Variants in B3GLCT observed in about 807,000 individuals in gnomAD.
The protein encoded by B3GLCT is beta 3-glucosyltransferase.
Under a neutral mutation model 63.4 loss-of-function variants are expected in B3GLCT, and 65 were observed. The ratio of observed to expected loss-of-function variants is 1.03; its 90% CI spans 0.84 to 1.26. The LOEUF (loss-of-function observed/expected upper bound fraction) is 1.26. Among genes scored for constraint, B3GLCT ranks in the 50% most tolerant of loss-of-function variants. B3GLCT has a pLI of 0.00. For synonymous variants in B3GLCT, 233 were observed against 219.2 expected, an observed-to-expected ratio of 1.06 and a Z score of -0.55; for missense variants, 577 against 604.8, an observed-to-expected ratio of 0.95 and a Z score of 0.48.
intron 1 of B3GLCT, among the ~76,000 whole-genome samples, chr13:31,207,222 G>A (rs1869005809): frequency 6.6e-6 from 1 of 152,054 alleles, no homozygotes; most frequent in Admixed American, 6.6e-5. Flanking sequence ...ATTTTTATAA[G>A]TTAAGCCTGA....
chr13:31,214,517 G>A (rs1211075768), intron 1 of B3GLCT, among the ~76,000 whole-genome samples: 1 of 152,174 alleles, frequency 6.6e-6, no homozygotes, highest in East Asian at 1.9e-4. Flanking sequence ...CCTTAGTAGG[G>A]TTCTGTTAGG....
chr13:31,266,656 T>G (rs980517994), intron 7 of B3GLCT, among the ~76,000 whole-genome samples: 1 of 152,212 alleles, frequency 6.6e-6, no homozygotes, highest in Non-Finnish European at 1.5e-5. Flanking sequence ...CCACTAGAAG[T>G]CTGTGATATT....
intron 1 of B3GLCT, among the ~76,000 whole-genome samples, 195 bp from the exon 2 acceptor site, chr13:31,214,856 G>C (rs550279848): frequency 6.6e-6 from 1 of 152,302 alleles, no homozygotes. Flanking sequence ...TGTTGGCTTC[G>C]TGTTGATGAA....
At chr13:31,286,618 C>A in intron 11 of B3GLCT, 102 bp from the exon 12 acceptor site, 1 of 783,570 alleles carries the variant, frequency 1.3e-6, no homozygotes, top group Non-Finnish European at 2.0e-6. Flanking sequence ...TGCATTTTGG[C>A]ATGTAAGCTC....
At chr13:31,314,722 G>C (rs988927371) in intron 12 of B3GLCT, among the ~76,000 whole-genome samples, 11 of 152,210 alleles carry the variant, frequency 7.2e-5, no homozygotes, top group African/African-American at 2.7e-4. Context: ...GGGACTGTTG[G>C]GAAAGCATGA....
chr13:31,260,414 A>G (rs1871969238), intron 6 of B3GLCT: 1 of 153,434 alleles, frequency 6.5e-6, no homozygotes, highest in Non-Finnish European at 1.4e-5. Context: ...TTTTCATCCT[A>G]GCACATTTCA....
intron 13 of B3GLCT, among the ~76,000 whole-genome samples, chr13:31,318,810 C>G (rs1210571190): frequency 3.9e-5 from 6 of 152,024 alleles, no homozygotes; most frequent in Non-Finnish European, 1.5e-5. Context: ...TGAAAGTGGC[C>G]CTGTTATTTG....
intron 1 of B3GLCT, among the ~76,000 whole-genome samples, chr13:31,214,476 T>C (rs1025539415): frequency 5.3e-5 from 8 of 152,232 alleles, no homozygotes; most frequent in African/African-American, 1.9e-4. Flanking sequence ...GGAGAATGAT[T>C]TTAATTCCCC....
At position 31,274,514 on chromosome 13, in the gene B3GLCT, C is replaced by T. The variant is rs376253915; in HGVS notation, c.666C>T (p.Ala222=). ...TGTCTCCTGTCTCGTGGCAGATTGC[C>T]CTCTACATCTGGGACAAAGGCGGAG... is the stretch of plus-strand genomic sequence containing the variant. ...DFTIDLKHEI[A]LYIWDKGGGP... is the part of the protein sequence containing the mutation. Residue 222 remains alanine, a synonymous_variant, in exon 9 of 15, where the codon GCC becomes GCT. Transcript: ENST00000343307. 7.4e-6 allele frequency: 12 copies of T among 1,614,058 alleles called. No individual in the cohort carries two copies. The highest frequency in any genetic ancestry group is 1.1e-5 in the South Asian group (1 of 91,088).
At chr13:31,296,897 C>T (rs967325086) in intron 12 of B3GLCT, among the ~76,000 whole-genome samples, 2 of 152,070 alleles carry the variant, frequency 1.3e-5, no homozygotes, top group African/African-American at 2.4e-5. Flanking sequence ...AACTGAACCT[C>T]TATATCCATT....
In B3GLCT at chr13:31,269,250, C is replaced by T. The variant is rs375641560; in HGVS notation, c.633C>T (p.Ser211=). 1.1e-5 allele frequency: 17 copies of T among 1,608,382 alleles called. No homozygotes were observed. Among genetic ancestry groups the T allele is most frequent in the African/African-American group, 4.0e-5 (3 of 74,690 alleles). The change falls in exon 8 of 15, where the codon TCC becomes TCT. Residue 211 remains serine (S), a synonymous_variant. Transcript: ENST00000343307. ...TKRLKSESLK[S]DFTIDLKHEI... is the part of the protein sequence containing the mutation. ...GACTAAAGAGTGAATCCTTGAAATC[C>T]GACTTTACAATAGATTTAAAACATG...
chr13:31,292,640 TG>T (rs1758230653), intron 12 of B3GLCT, among the ~76,000 whole-genome samples: 2 of 152,258 alleles, frequency 1.3e-5, no homozygotes, highest in South Asian at 4.1e-4. Context: ...TGTATTTCTG[TG>T]GGATCAGTGG....
rs556506190 is a variant in B3GLCT at position 31,322,589 on chromosome 13, T to A, written c.1185-1162T>A. ...CAGCATGCTAATAAACAAGTGTTATTAACGGCTCATATTCACTTAGTTTAT... is the reference window on the plus strand; with the variant it reads ...CAGCATGCTAATAAACAAGTGTTATAAACGGCTCATATTCACTTAGTTTAT... On this transcript the variant is annotated intron_variant, in intron 13 of 14. Transcript: ENST00000343307. Among the ~76,000 whole-genome samples, 4 of 152,306 alleles carry A rather than the reference T, an allele frequency of 2.6e-5. No homozygotes were observed. In the South Asian group the frequency reaches 8.3e-4, roughly 32 times the overall value.
At chr13:31,279,211 GC>G (rs1872938240) in intron 10 of B3GLCT, among the ~76,000 whole-genome samples, 1 of 152,084 alleles carries the variant, frequency 6.6e-6, no homozygotes, top group South Asian at 2.1e-4. Context: ...TACAAATCGA[GC>G]TGAGAATTTA....
At chr13:31,272,419 T>TCC (rs1321044537) in intron 8 of B3GLCT, among the ~76,000 whole-genome samples, 1 of 152,030 alleles carries the variant, frequency 6.6e-6, no homozygotes, top group Admixed American at 6.5e-5. Context: ...GGTTTCACCA[T>TCC]CTTGGCCAGG....
intron 4 of B3GLCT, among the ~76,000 whole-genome samples, chr13:31,235,968 T>C (rs1461740561): frequency 6.6e-6 from 1 of 152,246 alleles, no homozygotes; most frequent in Non-Finnish European, 1.5e-5. Flanking sequence ...TCAGGATTTA[T>C]GACAGACTCT....
intron 4 of B3GLCT, among the ~76,000 whole-genome samples, chr13:31,233,682 G>T (rs2137779931): frequency 6.6e-6 from 1 of 152,276 alleles, no homozygotes; most frequent in Non-Finnish European, 1.5e-5. Context: ...ATATCATGTG[G>T]GTACACTTGG....
intron 12 of B3GLCT, among the ~76,000 whole-genome samples, chr13:31,310,621 G>A (rs1324736819): frequency 2.6e-5 from 4 of 152,184 alleles, no homozygotes; most frequent in East Asian, 3.9e-4. Context: ...CAGGAGCCAC[G>A]GGCTGGAGTG....
Position 31,284,759 on chromosome 13 carries a change from G to A in B3GLCT, c.962G>A (p.Arg321Lys), listed in dbSNP as rs769023755. ...GATTTGGGAATTCCTAATACAGATAGAGGTGAGTCATAATTCTTACTACTC... is the reference window on the plus strand; with the variant it reads ...GATTTGGGAATTCCTAATACAGATAAAGGTGAGTCATAATTCTTACTACTC... ...TVDLGIPNTDRGHCGKTFAIL... is the reference protein window; with the variant it reads ...TVDLGIPNTDKGHCGKTFAIL... The change falls in exon 11 of 15, where the codon AGA (arginine) becomes AAA (lysine). Residue 321 changes from arginine (R) to lysine (K), a missense_variant and splice_region_variant. Arg to Lys is a conservative substitution (Grantham distance 26). Transcript: ENST00000343307. The A allele has an allele frequency of 1.4e-6, 2 of 1,466,844 alleles. No homozygotes were observed. The highest frequency in any genetic ancestry group is 1.9e-6 in the Non-Finnish European group (2 of 1,045,908). 90.9% of individuals were successfully genotyped at this position (1,466,844 alleles called of 1,614,324 possible). A position where few individuals can be genotyped will look rare whatever the true frequency, so the allele number is the denominator to read the frequency against.
Sources: gnomAD v4.1 joint callset for allele counts (sites outside exome capture counted in the v4.1 genomes callset) on GRCh38, gnomAD v4.1.1 for gene constraint, MANE v1.5 for transcripts, NCBI Gene and HGNC (gene_info 2026-07-23, HGNC 2026-07-21) for gene names.